Variants in DEPDC1B observed in about 807,000 individuals in gnomAD.
The protein encoded by DEPDC1B is DEP domain-containing protein 1B.
DEPDC1B carries 51 observed loss-of-function variants against 66.5 expected under a neutral mutation model. The observed-to-expected ratio is 0.77, with a 90% CI of 0.61 to 0.97. The LOEUF is 0.97. Ranked by LOEUF, DEPDC1B falls within the 50% of genes least tolerant of loss-of-function variation. DEPDC1B has a pLI of 0.00. For missense variants in DEPDC1B, 552 were observed against 637.1 expected, an observed-to-expected ratio of 0.87 and a Z score of 1.44; for synonymous variants, 226 against 223.6, an observed-to-expected ratio of 1.01 and a Z score of -0.10.
intron 7 of DEPDC1B, among the ~76,000 whole-genome samples, chr5:60,616,430 T>C (rs899891630): frequency 4.0e-5 from 6 of 151,450 alleles, no homozygotes; most frequent in African/African-American, 1.5e-4. Context: ...GAATAACCAA[T>C]GCAGAGAAGT....
chr5:60,664,426 G>A (rs1753790943), intron 2 of DEPDC1B, among the ~76,000 whole-genome samples: 2 of 152,228 alleles, frequency 1.3e-5, no homozygotes, highest in Non-Finnish European at 2.9e-5. Flanking sequence ...ACTTGTGGCT[G>A]TCAGACAACC....
At chr5:60,678,917 T>C (rs1168431213) in intron 2 of DEPDC1B, among the ~76,000 whole-genome samples, 1 of 152,226 alleles carries the variant, frequency 6.6e-6, no homozygotes, top group South Asian at 2.1e-4. Context: ...CAGTTTATCA[T>C]ATTTTTCCTT....
intron 5 of DEPDC1B, 24 bp downstream of exon 5, chr5:60,644,721 A>G: frequency 6.4e-7 from 1 of 1,572,882 alleles, no homozygotes. Flanking sequence ...TCAATAAGTA[A>G]CAAAATTATA....
chr5:60,664,860 T>C (rs1753802786), intron 2 of DEPDC1B, among the ~76,000 whole-genome samples: 1 of 152,024 alleles, frequency 6.6e-6, no homozygotes, highest in Non-Finnish European at 1.5e-5. Context: ...CGTGCAACAA[T>C]ATGGAGAGAA....
chr5:60,645,424 AG>A (rs767641512), intron 4 of DEPDC1B, 67 bp downstream of exon 4: 15 of 1,394,364 alleles, frequency 1.1e-5, no homozygotes, highest in Non-Finnish European at 1.4e-5. Flanking sequence ...AAATATGCAG[AG>A]AGTGAAGAAG....
At chr5:60,614,761 C>T (rs1031192944) in intron 7 of DEPDC1B, among the ~76,000 whole-genome samples, 4 of 152,096 alleles carry the variant, frequency 2.6e-5, no homozygotes, top group Admixed American at 1.3e-4. Context: ...GCAGCCAAGG[C>T]GGGTGGATCA....
At chr5:60,621,048 CA>C (rs1039940564) in intron 7 of DEPDC1B, among the ~76,000 whole-genome samples, 23 of 151,694 alleles carry the variant, frequency 1.5e-4, no homozygotes, top group African/African-American at 5.6e-4. Context: ...GACAAAAAAC[CA>C]AACACCACAT....
chr5:60,603,707 G>T, intron 8 of DEPDC1B, 140 bp from the exon 9 acceptor site: 2 of 808,552 alleles, frequency 2.5e-6, no homozygotes, highest in Non-Finnish European at 3.6e-6. Context: ...AGCCATCTCA[G>T]ATGGGTTGAC....
chr5:60,618,109 T>C (rs1752606238), intron 7 of DEPDC1B, among the ~76,000 whole-genome samples: 1 of 152,112 alleles, frequency 6.6e-6, no homozygotes, highest in Non-Finnish European at 1.5e-5. Flanking sequence ...AGACAAAACA[T>C]ACCAGAATCT....
intron 2 of DEPDC1B, among the ~76,000 whole-genome samples, chr5:60,665,966 C>A (rs1181770355): frequency 2.0e-5 from 3 of 152,188 alleles, no homozygotes; most frequent in Non-Finnish European, 4.4e-5. Flanking sequence ...GCAGCAACCC[C>A]CTTAGGGTCC....
chr5:60,625,577 C>A (rs996527632), intron 7 of DEPDC1B, among the ~76,000 whole-genome samples: 3 of 152,108 alleles, frequency 2.0e-5, no homozygotes, highest in Admixed American at 1.3e-4. Flanking sequence ...TTTAGCTCCA[C>A]CATTGGTTGA....
chr5:60,605,978 A>C, intron 7 of DEPDC1B, 122 bp from the exon 8 acceptor site: 2 of 818,590 alleles, frequency 2.4e-6, no homozygotes, highest in Non-Finnish European at 3.6e-6. Context: ...ATATTCAACT[A>C]TACTGGGTCA....
intron 4 of DEPDC1B, 48 bp downstream of exon 4, chr5:60,645,444 T>G (rs748692299): frequency 8.8e-5 from 133 of 1,506,088 alleles, no homozygotes; most frequent in Non-Finnish European, 3.6e-6. Context: ...AGTAGCAAAA[T>G]AGGAAACAAT....
chr5:60,664,275 G>T (rs1753787872), intron 2 of DEPDC1B, among the ~76,000 whole-genome samples: 1 of 152,214 alleles, frequency 6.6e-6, no homozygotes, highest in Non-Finnish European at 1.5e-5. Context: ...TTTATGTAGT[G>T]ACAAAGGGTT....
chr5:60,606,781 C>CT (rs1314674695), intron 7 of DEPDC1B, among the ~76,000 whole-genome samples: 139 of 143,750 alleles, frequency 9.7e-4, no homozygotes, highest in Admixed American at 1.3e-3. Context: ...AGACCTGTCT[C>CT]TTTTTTTTTT....
intron 2 of DEPDC1B, among the ~76,000 whole-genome samples, chr5:60,666,708 G>A (rs1256849076): frequency 6.6e-6 from 1 of 152,140 alleles, no homozygotes; most frequent in African/African-American, 2.4e-5. Context: ...GTCCTTGGTT[G>A]TAGTTTTGTT....
chr5:60,686,927 A>G (rs75885088), intron 2 of DEPDC1B, 35 bp downstream of exon 2: 43 of 1,608,930 alleles, frequency 2.7e-5, no homozygotes, highest in South Asian at 8.8e-5. Flanking sequence ...CATCTCCCCA[A>G]TTCCTCACCT....
chr5:60,661,762 A>G (rs1753721115), intron 2 of DEPDC1B, among the ~76,000 whole-genome samples: 1 of 152,218 alleles, frequency 6.6e-6, no homozygotes, highest in Non-Finnish European at 1.5e-5. Context: ...GGTCAATGAT[A>G]GGATGACAAC....
At chr5:60,659,753 C>T (rs1214299092) in intron 2 of DEPDC1B, among the ~76,000 whole-genome samples, 1 of 152,202 alleles carries the variant, frequency 6.6e-6, no homozygotes, top group East Asian at 1.9e-4. Context: ...AATCTACTTC[C>T]TTTGATCCCT....
Sources: gnomAD v4.1 joint callset for allele counts (sites outside exome capture counted in the v4.1 genomes callset) on GRCh38, gnomAD v4.1.1 for gene constraint, MANE v1.5 for transcripts, NCBI Gene and HGNC (gene_info 2026-07-23, HGNC 2026-07-21) for gene names.